Variants in TRAPPC12 observed in about 807,000 individuals in gnomAD.
The protein encoded by TRAPPC12 is trafficking protein particle complex subunit 12.
A neutral mutation model predicts 69.2 loss-of-function variants in TRAPPC12; 61 were observed. The ratio of observed to expected loss-of-function variants is 0.88; its 90% CI spans 0.72 to 1.09. The LOEUF is 1.09. TRAPPC12 is among the 50% of genes least tolerant of loss of function. The probability of loss-of-function intolerance (pLI) is 0.00; values close to 1 mark genes in which losing one functional copy is unlikely to be tolerated. For missense variants in TRAPPC12, 1,101 were observed against 1,016.4 expected (o/e 1.08, Z -1.13); for synonymous variants, 469 against 438.9 (o/e 1.07, Z -0.86).
intron 5 of TRAPPC12, among the ~76,000 whole-genome samples, chr2:3,443,147 G>A (rs1481492028): frequency 6.6e-6 from 1 of 152,216 alleles, no homozygotes; most frequent in African/African-American, 2.4e-5. Flanking sequence ...CTTAGCGCAC[G>A]CAAAGCCAGG....
At position 3,388,137 on chromosome 2, in the gene TRAPPC12, G is replaced by A. The variant is rs773157680; in HGVS notation, c.514G>A (p.Gly172Arg). Residue 172 changes from glycine (G) to arginine (R), a missense_variant, in exon 2 of 12, where the codon GGG becomes AGG. Physicochemically the swap from Gly to Arg is moderately radical, Grantham distance 125. Transcript: ENST00000324266. ...IFSQRAPPAS[G>R]DGFEPQMVKS... ...CAGCCAGCGCGCGCCCCCAGCCTCC[G>A]GGGACGGCTTCGAGCCGCAGATGGT... is the stretch of plus-strand genomic sequence containing the variant. The A allele has an allele frequency of 2.3e-4, 371 of 1,597,012 alleles. No individual in the cohort carries two copies. The highest frequency in any genetic ancestry group is 6.7e-4 in the Admixed American group (39 of 58,476).
intron 2 of TRAPPC12, among the ~76,000 whole-genome samples, chr2:3,400,028 C>G (rs1316170181): frequency 2.0e-5 from 3 of 152,214 alleles, no homozygotes; most frequent in South Asian, 2.1e-4. Flanking sequence ...CTCCACCCCC[C>G]ATCTTGGGGT....
At chr2:3,401,998 C>CT in intron 3 of TRAPPC12, 105 bp downstream of exon 3, 1 of 798,242 alleles carries the variant, frequency 1.3e-6, no homozygotes, top group Non-Finnish European at 1.9e-6. Context: ...ATTCAAAGCT[C>CT]TTGCACATAA....
intron 6 of TRAPPC12, chr2:3,455,079 C>G (rs1010477998): frequency 6.6e-6 from 1 of 152,268 alleles, no homozygotes; most frequent in Non-Finnish European, 1.5e-5. Flanking sequence ...CCCCGGGGAC[C>G]GCCAGTGGGC....
At chr2:3,465,952 ACTCTAGACATTGTCCTGCTG>A in intron 9 of TRAPPC12, 1 of 548,362 alleles carries the variant, frequency 1.8e-6, no homozygotes, top group Non-Finnish European at 3.3e-6. Context: ...GAAATGAGTT[ACTCTAGACATTGTCCTGCTG>A]CAGTTACGAA....
intron 7 of TRAPPC12, chr2:3,458,551 C>A: frequency 3.0e-6 from 2 of 667,824 alleles, no homozygotes; most frequent in Non-Finnish European, 3.7e-6. Flanking sequence ...GTTGGGTGTG[C>A]ATGCTGTGGC....
intron 3 of TRAPPC12, among the ~76,000 whole-genome samples, chr2:3,408,538 G>T (rs2103484347): frequency 6.6e-6 from 1 of 152,114 alleles, no homozygotes; most frequent in East Asian, 1.9e-4. Flanking sequence ...GAGGCAGGAG[G>T]ATCACCTGAG....
chr2:3,383,889 T>TGAGA (rs1181931750), intron 1 of TRAPPC12, among the ~76,000 whole-genome samples: 11 of 19,300 alleles, frequency 5.7e-4, no homozygotes, highest in East Asian at 2.6e-3. Flanking sequence ...TTTTTTTTTT[T>TGAGA]TTTTTTTTTT....
chr2:3,425,370 A>G (rs558321212), intron 5 of TRAPPC12, among the ~76,000 whole-genome samples: 15 of 152,324 alleles, frequency 9.8e-5, no homozygotes, highest in African/African-American at 3.4e-4. Flanking sequence ...GTAAGCAGCT[A>G]TTGAAAGCCC....
chr2:3,479,378 A>C lies in TRAPPC12; in HGVS notation c.2125A>C (p.Met709Leu), dbSNP rs547826293. The stretch of plus-strand genomic sequence containing the variant: ...GTACGAGCTGGAGTCCTCACGGAGC[A>C]TGCAGAAGAAACAGGCCCTGCTGGA... ...TMYELESSRS[M>L]QKKQALLEAV... The change falls in exon 12 of 12, where the codon ATG (methionine) becomes CTG (leucine). Residue 709 changes from methionine (M) to leucine (L), a missense_variant. Transcript: ENST00000324266. 18 of 1,614,182 alleles carry C rather than the reference A, an allele frequency of 1.1e-5. No individual in the cohort carries two copies. In the South Asian group the frequency reaches 1.8e-4, roughly 16 times the overall value.
intron 6 of TRAPPC12, among the ~76,000 whole-genome samples, chr2:3,445,300 G>A (rs1226170254): frequency 2.6e-5 from 4 of 152,272 alleles, no homozygotes; most frequent in Admixed American, 6.5e-5. Context: ...CATGAGAATC[G>A]CTTGAACCCA....
intron 2 of TRAPPC12, among the ~76,000 whole-genome samples, chr2:3,392,395 T>C (rs779737636): frequency 1.3e-5 from 2 of 152,154 alleles, no homozygotes; most frequent in Non-Finnish European, 2.9e-5. Flanking sequence ...ATAATTTCAG[T>C]GTCCTGTGGC....
rs184549517 is a variant in TRAPPC12, at chr2:3,459,090, T to G, written c.1604-1173T>G. On this transcript the variant is annotated intron_variant, in intron 7 of 11. Coordinates refer to ENST00000324266, the MANE Select transcript of TRAPPC12 (RefSeq NM_016030.6). Reference sequence around the variant, plus strand: ...TAAATGCACATCATTTCTAGGTGATTGTTATCTCACAGTGGACGCTTGGTG... The same window carrying G: ...TAAATGCACATCATTTCTAGGTGATGGTTATCTCACAGTGGACGCTTGGTG... Among the ~76,000 whole-genome samples the G allele has an allele frequency of 5.9e-5, 9 of 152,328 alleles. No homozygotes were observed. In the East Asian group the frequency reaches 1.5e-3, roughly 26 times the overall value.
At position 3,424,617 on chromosome 2, in the gene TRAPPC12, A is replaced by C; in HGVS notation, c.1371A>C (p.Pro457=). ...EFEPFGNLDQ[P]DLYYEYYPHV... ...AACCCTTCGGAAATCTTGATCAGCCAGATCTTTATTACGAGTACTACCCGC... is the reference window on the plus strand; with the variant it reads ...AACCCTTCGGAAATCTTGATCAGCCCGATCTTTATTACGAGTACTACCCGC... Residue 457 remains proline, a synonymous_variant, in exon 5 of 12, where the codon CCA becomes CCC. Coordinates refer to ENST00000324266, the MANE Select transcript of TRAPPC12 (RefSeq NM_016030.6). 6.2e-7 allele frequency: 1 copy of C among 1,614,076 alleles called. No individual in the cohort carries two copies. Among genetic ancestry groups the C allele is most frequent in the South Asian group, 1.1e-5 (1 of 91,068 alleles).
chr2:3,459,620 C>T (rs1455199451), intron 7 of TRAPPC12, among the ~76,000 whole-genome samples: 3 of 152,162 alleles, frequency 2.0e-5, no homozygotes, highest in Admixed American at 6.6e-5. Flanking sequence ...CAGGGAGGGA[C>T]GGGCCAGGCT....
At chr2:3,420,366 G>A (rs905243404) in intron 3 of TRAPPC12, among the ~76,000 whole-genome samples, 2 of 136,788 alleles carry the variant, frequency 1.5e-5, no homozygotes, top group South Asian at 2.2e-4. Context: ...CACTAGGCAC[G>A]CACACGCTGA....
chr2:3,474,623 C>T lies in TRAPPC12; in HGVS notation c.1777-3072C>T, dbSNP rs185494402. 7.2e-5 allele frequency among the ~76,000 whole-genome samples: 11 copies of T among 152,278 alleles called. No individual in the cohort carries two copies. In the East Asian group the frequency reaches 1.9e-3, roughly 27 times the overall value. On this transcript the variant is annotated intron_variant, in intron 9 of 11. Transcript: ENST00000324266. ...GGTCGGAGCTCCAGGGCGGCGTTTC[C>T]CCGGGTTTCTGCGTTTATAAGTGAT...
chr2:3,473,186 G>T (rs13429355), intron 9 of TRAPPC12, among the ~76,000 whole-genome samples: 2 of 152,226 alleles, frequency 1.3e-5, no homozygotes, highest in South Asian at 4.2e-4. Context: ...GAGCAGGTGA[G>T]GGGGGGTCAG....
intron 2 of TRAPPC12, among the ~76,000 whole-genome samples, chr2:3,399,310 T>C (rs1326657895): frequency 1.3e-5 from 2 of 152,242 alleles, no homozygotes; most frequent in Non-Finnish European, 2.9e-5. Flanking sequence ...CCCAGCTCGC[T>C]GCCCCCCTGG....
Sources: gnomAD v4.1 joint callset for allele counts (sites outside exome capture counted in the v4.1 genomes callset) on GRCh38, gnomAD v4.1.1 for gene constraint, MANE v1.5 for transcripts, NCBI Gene and HGNC (gene_info 2026-07-23, HGNC 2026-07-21) for gene names.